Variants in CDH18 observed in about 807,000 individuals in gnomAD.
CDH18 encodes cadherin-18.
Under a neutral mutation model 67.9 loss-of-function variants are expected in CDH18, and 31 were observed. The ratio of observed to expected loss-of-function variants is 0.46; its 90% CI spans 0.34 to 0.62. The LOEUF (loss-of-function observed/expected upper bound fraction) is 0.62, where lower values mean the gene tolerates loss of function less well. Among genes scored for constraint, CDH18 ranks in the 20% least tolerant of loss-of-function variants. The pLI is 0.01. For synonymous variants in CDH18, 362 were observed against 347.2 expected (o/e 1.04, Z -0.48); for missense variants, 890 against 975.5 (o/e 0.91, Z 1.17).
chr5:20,196,048 G>A (rs1171102934), intron 2 of CDH18, among the ~76,000 whole-genome samples: 1 of 152,108 alleles, frequency 6.6e-6, no homozygotes, highest in African/African-American at 2.4e-5. Context: ...GGAAGGTATG[G>A]ACATCTGTTC....
intron 3 of CDH18, among the ~76,000 whole-genome samples, chr5:19,835,620 A>G (rs568244604): frequency 1.5e-4 from 23 of 152,288 alleles, no homozygotes; most frequent in Admixed American, 5.9e-4. Context: ...TTTTAAGCAT[A>G]TAGTAATTGC....
intron 1 of CDH18, among the ~76,000 whole-genome samples, chr5:20,526,664 G>T (rs1406515719): frequency 1.3e-5 from 2 of 152,022 alleles, no homozygotes; most frequent in African/African-American, 2.4e-5. Context: ...CAGAAAAGAG[G>T]CCTGACTGTT....
rs189196156 is a variant in CDH18, at chr5:20,099,812, C to G, written c.-517-107798G>C. On this transcript the variant is annotated intron_variant, in intron 2 of 14. Transcript: ENST00000507958. Reference sequence around the variant, plus strand: ...AATTTTTTTCCTTTGGATACAGGGTCTCACTCTGTCACCCAGGCTGGAGTG... The same window carrying G: ...AATTTTTTTCCTTTGGATACAGGGTGTCACTCTGTCACCCAGGCTGGAGTG... Among the ~76,000 whole-genome samples, 333 of 152,178 alleles carry G rather than the reference C, an allele frequency of 2.2e-3. 1 individual carries two copies. Among genetic ancestry groups the G allele is most frequent in the African/African-American group, 7.5e-3 (313 of 41,518 alleles).
At position 20,277,913 on chromosome 5, in the gene CDH18, T is replaced by C. The variant is rs188291704; in HGVS notation, c.-579-22408A>G. Reference sequence around the variant, plus strand: ...AGTCTCTTAGCAGCAGAACTGATCATGCAGAAGAAAGAATAAGTGAGCTTG... The same window carrying C: ...AGTCTCTTAGCAGCAGAACTGATCACGCAGAAGAAAGAATAAGTGAGCTTG... On this transcript the variant is annotated intron_variant, in intron 1 of 14. Transcript: ENST00000507958. 7.0e-4 allele frequency among the ~76,000 whole-genome samples: 106 copies of C among 152,210 alleles called. 1 individual carries two copies. Among genetic ancestry groups the C allele is most frequent in the Admixed American group, 5.2e-3 (80 of 15,274 alleles).
At chr5:19,837,738 C>A (rs17222002) in intron 3 of CDH18, among the ~76,000 whole-genome samples, 2,942 of 152,092 alleles carry the variant, frequency 0.019, 85 homozygotes, top group Admixed American at 0.064. Context: ...ATTAGGGAAG[C>A]GCCACGGCTT....
At chr5:19,731,863 G>A (rs1458983169) in intron 4 of CDH18, among the ~76,000 whole-genome samples, 3 of 152,128 alleles carry the variant, frequency 2.0e-5, no homozygotes, top group African/African-American at 7.2e-5. Context: ...GCTGAGGCTG[G>A]TGGATTGCTT....
At chr5:19,505,600 G>C (rs1744000277) in intron 10 of CDH18, among the ~76,000 whole-genome samples, 2 of 151,962 alleles carry the variant, frequency 1.3e-5, no homozygotes, top group African/African-American at 4.8e-5. Flanking sequence ...TGTTGGTTCT[G>C]TTTATATGCT....
intron 3 of CDH18, among the ~76,000 whole-genome samples, chr5:19,759,459 T>G (rs891584458): frequency 2.6e-5 from 4 of 152,182 alleles, no homozygotes; most frequent in Non-Finnish European, 2.9e-5. Flanking sequence ...ATGTGGGGGT[T>G]CTGCCAGCTA....
intron 8 of CDH18, among the ~76,000 whole-genome samples, chr5:19,557,935 A>T (rs775502181): frequency 2.4e-4 from 37 of 152,074 alleles, no homozygotes; most frequent in Non-Finnish European, 4.6e-4. Flanking sequence ...TCAAAATTAT[A>T]TCAAGTACTC....
At chr5:20,479,740 C>A (rs1458560623) in intron 1 of CDH18, among the ~76,000 whole-genome samples, 1 of 151,778 alleles carries the variant, frequency 6.6e-6, no homozygotes, top group African/African-American at 2.4e-5. Context: ...GGAATAGTAA[C>A]AAAGAAATTT....
At chr5:19,613,875 T>C (rs886223374) in intron 5 of CDH18, among the ~76,000 whole-genome samples, 5 of 152,136 alleles carry the variant, frequency 3.3e-5, no homozygotes, top group African/African-American at 1.2e-4. Flanking sequence ...TATATATGCA[T>C]ATAATTATAA....
At chr5:20,119,489 G>A (rs1748179079) in intron 2 of CDH18, among the ~76,000 whole-genome samples, 3 of 152,082 alleles carry the variant, frequency 2.0e-5, no homozygotes, top group African/African-American at 7.2e-5. Context: ...TCTTATTTGA[G>A]TCTGGGCTCT....
chr5:19,473,190 G>A lies in CDH18; in HGVS notation c.*36C>T, dbSNP rs773002859. On this transcript the variant is annotated 3_prime_UTR_variant, in exon 13 of 13. Coordinates refer to ENST00000382275, the MANE Select transcript of CDH18 (RefSeq NM_004934.5). ...CTGAGGTTGTATATCCACTTACTCA[G>A]GAAGCAAATTCCACAAGGTTGCAAG... is the stretch of plus-strand genomic sequence containing the variant. 59 of 1,596,208 alleles carry A rather than the reference G, an allele frequency of 3.7e-5. No individual in the cohort carries two copies. The South Asian group carries it at 5.9e-4, about 16-fold the overall frequency.
intron 1 of CDH18, among the ~76,000 whole-genome samples, chr5:20,510,181 G>T (rs1264359860): frequency 6.6e-6 from 1 of 152,020 alleles, no homozygotes; most frequent in Non-Finnish European, 1.5e-5. Flanking sequence ...TTGGGGATTT[G>T]TGTGTCTTCT....
At chr5:19,753,387 T>C (rs1334041505) in intron 3 of CDH18, among the ~76,000 whole-genome samples, 1 of 152,064 alleles carries the variant, frequency 6.6e-6, no homozygotes, top group Non-Finnish European at 1.5e-5. Context: ...AAATGCAAAA[T>C]TTTCTGGAAA....
rs1173332197 is a variant in CDH18, at chr5:20,253,993, A to G, written c.-518+1451T>C. On this transcript the variant is annotated intron_variant, in intron 2 of 14. Transcript: ENST00000507958. ...AAAGAAAAAGTTCTTAAAGGAAGCT[A>G]GAGAGAAGGGTCAAATCATGTACAA... is the stretch of plus-strand genomic sequence containing the variant. Among the ~76,000 whole-genome samples, 6 of 152,230 alleles carry G rather than the reference A, an allele frequency of 3.9e-5. No individual in the cohort carries two copies. The East Asian group carries it at 1.2e-3, about 29-fold the overall frequency.
At chr5:20,271,869 T>C (rs1047339267) in intron 1 of CDH18, among the ~76,000 whole-genome samples, 1 of 151,888 alleles carries the variant, frequency 6.6e-6, no homozygotes, top group African/African-American at 2.4e-5. Flanking sequence ...TTAAGAGTTA[T>C]GCTGAAATAT....
chr5:19,766,408 C>T (rs765384390), intron 3 of CDH18, among the ~76,000 whole-genome samples: 5 of 152,018 alleles, frequency 3.3e-5, no homozygotes, highest in Non-Finnish European at 7.4e-5. Context: ...CCAAATCCAC[C>T]CCTTCTCTCC....
intron 2 of CDH18, among the ~76,000 whole-genome samples, chr5:20,034,526 G>A (rs62354681): frequency 2.2e-3 from 333 of 152,150 alleles, no homozygotes; most frequent in Non-Finnish European, 4.0e-3. Flanking sequence ...TGAATCAGTG[G>A]ACTGTGTAAA....
Sources: gnomAD v4.1 joint callset for allele counts (sites outside exome capture counted in the v4.1 genomes callset) on GRCh38, gnomAD v4.1.1 for gene constraint, MANE v1.5 for transcripts, NCBI Gene and HGNC (gene_info 2026-07-23, HGNC 2026-07-21) for gene names.